RYR3: variants seen among roughly 807,000 people sequenced by gnomAD.
RYR3 encodes the protein brain ryanodine receptor-calcium release channel.
RYR3 carries 207 observed loss-of-function variants against 584.3 expected under a neutral mutation model. The ratio of observed to expected loss-of-function variants is 0.35; its 90% confidence interval spans 0.32 to 0.40. The LOEUF is 0.40. Ranked by LOEUF, RYR3 falls within the 10% of genes least tolerant of loss-of-function variation. The pLI, the probability that RYR3 is intolerant of heterozygous loss-of-function variation, is 1.00. For missense variants in RYR3, 5,616 were observed against 6,089.2 expected (o/e 0.92, Z 2.59); for synonymous variants, 2,416 against 2,248.5 (o/e 1.07, Z -2.11).
intron 1 of RYR3, among the ~76,000 whole-genome samples, chr15:33,465,258 C>G (rs200629041): frequency 6.7e-6 from 1 of 149,062 alleles, no homozygotes; most frequent in Non-Finnish European, 1.5e-5. Context: ...TATATATATA[C>G]ACATATCTGT....
chr15:33,842,026 C>G lies in RYR3; in HGVS notation c.13200C>G (p.Thr4400=). The change falls in exon 91 of 104, where the codon ACC becomes ACG. Residue 4400 remains threonine (T), a synonymous_variant. Coordinates refer to ENST00000634891, the MANE Select transcript of RYR3 (RefSeq NM_001036.6). ...NFFKGLEIYQ[T]KLLHYLARNF... The stretch of plus-strand genomic sequence containing the variant: ...TTAAAGGGCTGGAAATCTATCAGAC[C>G]AAGTTACTGGTAAGCATTCCAACCT... 12 of 1,599,244 alleles carry G rather than the reference C, an allele frequency of 7.5e-6. No homozygotes were observed. Among genetic ancestry groups the G allele is most frequent in the Non-Finnish European group, 1.0e-5 (12 of 1,172,698 alleles).
In RYR3 at chr15:33,632,941, A is replaced by G; in HGVS notation, c.2868-8A>G. 6.2e-7 allele frequency: 1 copy of G among 1,604,646 alleles called. No individual in the cohort carries two copies. The highest frequency in any genetic ancestry group is 8.5e-7 in the Non-Finnish European group (1 of 1,175,350). ...GTTAAAAATGTATACTTTTACATTT[A>G]CTTGTAGCTATATGATGTCCAACGG... On this transcript the variant is annotated splice_region_variant and splice_polypyrimidine_tract_variant and intron_variant, in intron 23 of 103. Coordinates refer to ENST00000634891, the MANE Select transcript of RYR3 (RefSeq NM_001036.6).
chr15:33,384,582 T>C (rs191078904), intron 1 of RYR3, among the ~76,000 whole-genome samples: 1,295 of 108,392 alleles, frequency 0.012, 15 homozygotes, highest in Middle Eastern at 0.038. Flanking sequence ...TACAACCTTA[T>C]ATATACATAT....
chr15:33,554,528 C>T (rs2056937324), intron 10 of RYR3, among the ~76,000 whole-genome samples: 1 of 152,078 alleles, frequency 6.6e-6, no homozygotes, highest in African/African-American at 2.4e-5. Context: ...GATCTCCTGA[C>T]CTCGTGATCC....
chr15:33,323,929 G>T (rs1454281165), intron 1 of RYR3, among the ~76,000 whole-genome samples: 1 of 152,174 alleles, frequency 6.6e-6, no homozygotes, highest in Non-Finnish European at 1.5e-5. Context: ...AGTCTGAACT[G>T]CCCAATTAAA....
intron 2 of RYR3, among the ~76,000 whole-genome samples, chr15:33,487,458 T>C (rs759957124): frequency 2.0e-5 from 3 of 152,222 alleles, no homozygotes; most frequent in Non-Finnish European, 4.4e-5. Flanking sequence ...TGTAGTGGCA[T>C]GTAGCAGATA....
intron 23 of RYR3, among the ~76,000 whole-genome samples, chr15:33,632,216 T>C (rs1039210885): frequency 6.6e-6 from 1 of 152,274 alleles, no homozygotes; most frequent in Non-Finnish European, 1.5e-5. Context: ...ATTCTGGCCC[T>C]GGCCTAGGCA....
chr15:33,445,943 C>T (rs184279562), intron 1 of RYR3, among the ~76,000 whole-genome samples: 6 of 152,130 alleles, frequency 3.9e-5, no homozygotes, highest in African/African-American at 1.4e-4. Flanking sequence ...CCCTGAGACG[C>T]GTTAGTAGGA....
chr15:33,827,119 A>T, intron 84 of RYR3, 80 bp from the exon 85 acceptor site: 1 of 1,152,970 alleles, frequency 8.7e-7, no homozygotes, highest in Non-Finnish European at 1.3e-6. Context: ...AGAATGTCTT[A>T]TCTGAGCTCA....
At position 33,854,776 on chromosome 15, in the gene RYR3, A is replaced by G; in HGVS notation, c.13871A>G (p.Tyr4624Cys). The G allele has an allele frequency of 6.2e-7, 1 of 1,608,400 alleles. No individual in the cohort carries two copies. The highest frequency in any genetic ancestry group is 8.5e-7 in the Non-Finnish European group (1 of 1,178,256). ...TTCTTCCATTCCCAGTCCTTTCTCT[A>G]CCTTGCCTGGTATACAACCATGTCA... is the stretch of plus-strand genomic sequence containing the variant. ...GVVFTDNSFL[Y>C]LAWYTTMSVL... The change falls in exon 98 of 104, where the codon TAC (tyrosine) becomes TGC (cysteine). Residue 4624 changes from tyrosine (Y) to cysteine (C), a missense_variant. Coordinates refer to ENST00000634891, the MANE Select transcript of RYR3 (RefSeq NM_001036.6).
At position 33,634,575 on chromosome 15, in the gene RYR3, G is replaced by A. The variant is rs1030391021; in HGVS notation, c.3028-11G>A. On this transcript the variant is annotated splice_polypyrimidine_tract_variant and intron_variant, in intron 24 of 103. Transcript: ENST00000634891. Reference sequence around the variant, plus strand: ...GTTTTCTTGGCACCTTTTTTCTCTGGCGTCACATAGGATTTGAAGAACAAA... The same window carrying A: ...GTTTTCTTGGCACCTTTTTTCTCTGACGTCACATAGGATTTGAAGAACAAA... 1.2e-6 allele frequency: 2 copies of A among 1,613,112 alleles called. No homozygotes were observed. The highest frequency in any genetic ancestry group is 1.7e-6 in the Non-Finnish European group (2 of 1,179,574).
intron 1 of RYR3, among the ~76,000 whole-genome samples, chr15:33,461,920 G>A (rs1011650388): frequency 3.9e-5 from 6 of 152,236 alleles, no homozygotes; most frequent in African/African-American, 7.2e-5. Context: ...TGCCTGCCTT[G>A]TTCACCACCA....
intron 49 of RYR3, among the ~76,000 whole-genome samples, 193 bp downstream of exon 49, chr15:33,736,518 C>T (rs893683341): frequency 1.3e-5 from 2 of 152,126 alleles, no homozygotes; most frequent in Non-Finnish European, 1.5e-5. Flanking sequence ...AAGAAAATTG[C>T]TCCAATTTTC....
chr15:33,855,184 G>A (rs1451548821), intron 98 of RYR3, among the ~76,000 whole-genome samples: 1 of 151,726 alleles, frequency 6.6e-6, no homozygotes, highest in Non-Finnish European at 1.5e-5. Context: ...TGATGGACAT[G>A]TCAGAATGAC....
intron 1 of RYR3, among the ~76,000 whole-genome samples, chr15:33,410,021 A>G (rs12906915): frequency 0.052 from 7,873 of 152,272 alleles, 291 homozygotes; most frequent in Non-Finnish European, 0.076. Context: ...AGAACATAGA[A>G]GTCAATTTGA....
intron 1 of RYR3, among the ~76,000 whole-genome samples, chr15:33,375,244 G>A (rs1354511348): frequency 1.3e-5 from 2 of 148,526 alleles, no homozygotes; most frequent in African/African-American, 4.9e-5. Flanking sequence ...AAGCGCTTAG[G>A]ACACTGTTTG....
At chr15:33,463,094 G>A (rs2048177906) in intron 1 of RYR3, among the ~76,000 whole-genome samples, 2 of 151,950 alleles carry the variant, frequency 1.3e-5, no homozygotes, top group South Asian at 4.1e-4. Context: ...AGCCCAGGAG[G>A]TCGAGGCTTC....
chr15:33,532,686 G>T (rs1227808137), intron 4 of RYR3, among the ~76,000 whole-genome samples: 1 of 151,980 alleles, frequency 6.6e-6, no homozygotes, highest in Non-Finnish European at 1.5e-5. Context: ...CATTTGTATT[G>T]TTCCTAATTT....
intron 27 of RYR3, among the ~76,000 whole-genome samples, chr15:33,643,975 G>A (rs1290964228): frequency 6.6e-6 from 1 of 152,100 alleles, no homozygotes; most frequent in Non-Finnish European, 1.5e-5. Flanking sequence ...TTTAACTAAG[G>A]GACAGATAAA....
Sources: allele counts gnomAD v4.1 joint callset (sites outside exome capture counted in the v4.1 genomes callset), GRCh38; gene constraint gnomAD v4.1.1; transcripts MANE v1.5; gene names NCBI Gene and HGNC (gene_info 2026-07-23, HGNC 2026-07-21).